Variants in CRACDL observed in about 807,000 individuals in gnomAD.
The protein encoded by CRACDL is CRACD-like protein.
In CRACDL, 26 loss-of-function variants were observed where a neutral mutation model predicts 70.6. The ratio of observed to expected loss-of-function variants is 0.37; its 90% CI spans 0.27 to 0.51. The LOEUF (loss-of-function observed/expected upper bound fraction) is 0.51, where lower values mean the gene tolerates loss of function less well. CRACDL is among the 20% of genes least tolerant of loss of function. The pLI, the probability that CRACDL is intolerant of heterozygous loss-of-function variation, is 0.94. For missense variants in CRACDL, 1,283 were observed against 1,376.9 expected, an observed-to-expected ratio of 0.93 and a Z score of 1.08; for synonymous variants, 618 against 615.2, an observed-to-expected ratio of 1.00 and a Z score of -0.07.
intron 1 of CRACDL, among the ~76,000 whole-genome samples, chr2:98,851,317 A>G (rs1298509967): frequency 6.6e-6 from 1 of 152,310 alleles, no homozygotes; most frequent in Non-Finnish European, 1.5e-5. Flanking sequence ...AACAGATCAC[A>G]CCAAACAAGA....
chr2:98,892,772 A>G (rs1403600715), intron 1 of CRACDL, among the ~76,000 whole-genome samples: 1 of 152,106 alleles, frequency 6.6e-6, no homozygotes, highest in African/African-American at 2.4e-5. Context: ...TTATTTTTGG[A>G]AAAAAACCCT....
intron 7 of CRACDL, among the ~76,000 whole-genome samples, chr2:98,811,192 G>A (rs1001696168): frequency 3.3e-5 from 5 of 152,022 alleles, no homozygotes; most frequent in Admixed American, 6.6e-5. Flanking sequence ...TGGGCAGGAG[G>A]CCACTATCCC....
At chr2:98,824,327 C>T (rs1257734171) in intron 6 of CRACDL, among the ~76,000 whole-genome samples, 1 of 149,596 alleles carries the variant, frequency 6.7e-6, no homozygotes, top group Non-Finnish European at 1.5e-5. Context: ...TACCAGGGCC[C>T]CCAAGGACTA....
At chr2:98,933,780 G>A (rs1450783346) in intron 1 of CRACDL, among the ~76,000 whole-genome samples, 1 of 152,104 alleles carries the variant, frequency 6.6e-6, no homozygotes, top group Non-Finnish European at 1.5e-5. Context: ...ATTTAACCAA[G>A]AGCATCCCTG....
Position 98,822,215 on chromosome 2 carries a change from G to C in CRACDL, c.2058C>G (p.Leu686=). ...ATTTGAGCGAGAGGGAGGTGGACCGGAGCTTGACGGGGAAGGGGTTTCTGT... is the reference window on the plus strand; with the variant it reads ...ATTTGAGCGAGAGGGAGGTGGACCGCAGCTTGACGGGGAAGGGGTTTCTGT... The part of the protein sequence containing the change: ...SEDRNPFPVK[L]RSTSLSLKYR... Residue 686 remains leucine, a synonymous_variant, in exon 7 of 10, where the codon CTC becomes CTG. Coordinates refer to ENST00000397899, the MANE Select transcript of CRACDL (RefSeq NM_207362.3). The surrounding 1 kb of genome is among the most constrained non-coding windows in gnomAD (Gnocchi z 4.9). The C allele has an allele frequency of 2.5e-6, 4 of 1,608,596 alleles. No homozygotes were observed. Among genetic ancestry groups the C allele is most frequent in the Non-Finnish European group, 3.4e-6 (4 of 1,179,238 alleles).
chr2:98,828,256 G>A (rs1224173070), intron 5 of CRACDL, among the ~76,000 whole-genome samples: 6 of 152,218 alleles, frequency 3.9e-5, no homozygotes, highest in Non-Finnish European at 8.8e-5. Context: ...CAGATGAGGG[G>A]CGAGGTGCAC....
rs563789787 is a variant in CRACDL at position 98,852,321 on chromosome 2, A to G, written c.-10-5511T>C. On this transcript the variant is annotated intron_variant, in intron 1 of 9. Transcript: ENST00000397899. ...CTAAGATTTTTCTACTGCTCACTGCAGGAGAGACAGAGTTCACAGGTAACA... is the reference window on the plus strand; with the variant it reads ...CTAAGATTTTTCTACTGCTCACTGCGGGAGAGACAGAGTTCACAGGTAACA... 2.0e-5 allele frequency among the ~76,000 whole-genome samples: 3 copies of G among 152,350 alleles called. No homozygotes were observed. In the East Asian group the frequency reaches 5.8e-4, roughly 29 times the overall value.
rs183382464 is a variant in CRACDL at position 98,799,855 on chromosome 2, G to C, written c.2417-2318C>G. On this transcript the variant is annotated intron_variant, in intron 7 of 9. Transcript: ENST00000397899. ...CTGCACATCCTCTCTGGGGGAGCCT[G>C]TCCTCCTGGGGCATCCCTCCAGCCT... Among the ~76,000 whole-genome samples the C allele has an allele frequency of 3.8e-3, 582 of 152,234 alleles. 4 individuals carry two copies. Among genetic ancestry groups the C allele is most frequent in the Non-Finnish European group, 6.5e-3 (445 of 68,018 alleles).
chr2:98,853,691 G>A (rs1428425981), intron 1 of CRACDL, among the ~76,000 whole-genome samples: 2 of 152,070 alleles, frequency 1.3e-5, no homozygotes, highest in African/African-American at 4.8e-5. Flanking sequence ...AAACTATTAT[G>A]AATTTACAAT....
At chr2:98,863,869 C>T (rs1229285847) in intron 1 of CRACDL, among the ~76,000 whole-genome samples, 1 of 152,116 alleles carries the variant, frequency 6.6e-6, no homozygotes, top group Non-Finnish European at 1.5e-5. Flanking sequence ...AAAATCGTAG[C>T]ATCAGAAAGT....
intron 1 of CRACDL, among the ~76,000 whole-genome samples, chr2:98,893,972 G>C (rs1708050255): frequency 6.6e-6 from 1 of 152,208 alleles, no homozygotes; most frequent in African/African-American, 2.4e-5. Context: ...GCATCAGGCT[G>C]TGTTCAAGCT....
intron 1 of CRACDL, among the ~76,000 whole-genome samples, chr2:98,883,575 C>T (rs140766598): frequency 5.9e-5 from 9 of 152,274 alleles, no homozygotes; most frequent in African/African-American, 2.2e-4. Flanking sequence ...GGGGCAGCAG[C>T]ATATTGCTCC....
intron 1 of CRACDL, among the ~76,000 whole-genome samples, chr2:98,850,722 G>A (rs1176733169): frequency 3.3e-5 from 5 of 152,274 alleles, no homozygotes; most frequent in East Asian, 1.9e-4. Flanking sequence ...GCCCTGCTGC[G>A]GGGCACAGCA....
intron 1 of CRACDL, among the ~76,000 whole-genome samples, chr2:98,849,894 C>T (rs1706412458): frequency 6.6e-6 from 1 of 152,178 alleles, no homozygotes; most frequent in Non-Finnish European, 1.5e-5. Flanking sequence ...TACCACCTAC[C>T]AGTGCCAGGC....
chr2:98,835,338 C>T (rs961649912), intron 3 of CRACDL, among the ~76,000 whole-genome samples: 3 of 152,208 alleles, frequency 2.0e-5, no homozygotes, highest in Admixed American at 6.5e-5. Flanking sequence ...AGCCATTTCA[C>T]ACCACAAGGA....
intron 1 of CRACDL, among the ~76,000 whole-genome samples, chr2:98,900,153 T>G (rs1313596827): frequency 7.4e-4 from 42 of 56,874 alleles, no homozygotes; most frequent in Admixed American, 9.0e-4. Flanking sequence ...AGAGGCTCAG[T>G]GGGAAGGGGA....
chr2:98,901,274 C>A (rs1265342219), intron 1 of CRACDL, among the ~76,000 whole-genome samples: 1 of 152,188 alleles, frequency 6.6e-6, no homozygotes, highest in African/African-American at 2.4e-5. Flanking sequence ...CATGATGGGC[C>A]ACTGAGCCTC....
intron 1 of CRACDL, among the ~76,000 whole-genome samples, chr2:98,897,669 T>G (rs754332924): frequency 6.6e-6 from 1 of 152,222 alleles, no homozygotes; most frequent in African/African-American, 2.4e-5. Flanking sequence ...TTCCTTACCA[T>G]TCCCACAAAA....
rs1199003235 is a variant in CRACDL, at chr2:98,822,156, A to C, written c.2117T>G (p.Val706Gly). The change falls in exon 7 of 10, where the codon GTG (valine) becomes GGG (glycine). Residue 706 changes from valine (V) to glycine (G), a missense_variant. Val to Gly is a moderately radical substitution (Grantham distance 109, BLOSUM62 -3). Transcript: ENST00000397899. The surrounding 1 kb of genome is among the most constrained non-coding windows in gnomAD (Gnocchi z 4.9). ...RDGASQEVKGVKRYSAEVRLE... is the reference protein window; with the variant it reads ...RDGASQEVKGGKRYSAEVRLE... ...CCGGACCTCGGCACTGTACCTCTTC[A>C]CACCCTTCACCTCCTGAGAGGCGCC... 1 of 1,607,116 alleles carries C rather than the reference A, an allele frequency of 6.2e-7. No homozygotes were observed. Among genetic ancestry groups the C allele is most frequent in the Admixed American group, 1.7e-5 (1 of 59,246 alleles).
Sources: allele counts gnomAD v4.1 joint callset (sites outside exome capture counted in the v4.1 genomes callset), GRCh38; gene constraint gnomAD v4.1.1; non-coding constraint Gnocchi (gnomAD v3.1); transcripts MANE v1.5; gene names NCBI Gene and HGNC (gene_info 2026-07-23, HGNC 2026-07-21).